The following PLS1 variants were observed in gnomAD, a reference collection of about 807,000 sequenced individuals.
PLS1 encodes plastin-1.
PLS1 carries 32 observed loss-of-function variants against 73.7 expected under a neutral mutation model. The observed-to-expected ratio is 0.43, with a 90% confidence interval of 0.33 to 0.58. PLS1 has a LOEUF of 0.58. Ranked by LOEUF, PLS1 falls within the 20% of genes least tolerant of loss-of-function variation. The probability of loss-of-function intolerance (pLI) is 0.04; values close to 1 mark genes in which losing one functional copy is unlikely to be tolerated. For missense variants in PLS1, 633 were observed against 740.5 expected (o/e 0.85, Z 1.68); for synonymous variants, 217 against 261.3 (o/e 0.83, Z 1.63).
At chr3:142,654,107 A>G (rs764810428) in intron 1 of PLS1, among the ~76,000 whole-genome samples, 2 of 152,156 alleles carry the variant, frequency 1.3e-5, no homozygotes, top group Non-Finnish European at 2.9e-5. Flanking sequence ...CCAAATTGCA[A>G]ATGCATGGGA....
rs73002059 is a variant in PLS1, at chr3:142,657,428, T to C, written c.-36-6774T>C. Reference sequence around the variant, plus strand: ...GGAACCACAGATTCTAGCCTGGTTTTGCCTTCTGTGCTGCCAGAGTCCCTC... The same window carrying C: ...GGAACCACAGATTCTAGCCTGGTTTCGCCTTCTGTGCTGCCAGAGTCCCTC... On this transcript the variant is annotated intron_variant, in intron 1 of 15. Transcript: ENST00000457734. 9.3e-3 allele frequency among the ~76,000 whole-genome samples: 1,410 copies of C among 152,372 alleles called. 25 individuals are homozygous for C. The highest frequency in any genetic ancestry group is 0.032 in the African/African-American group (1,341 of 41,586).
intron 7 of PLS1, 34 bp from the exon 8 acceptor site, chr3:142,684,219 G>A: frequency 6.2e-7 from 1 of 1,613,764 alleles, no homozygotes; most frequent in South Asian, 1.1e-5. Context: ...TACTTGCTAT[G>A]GGAAGAATTT....
chr3:142,653,828 T>C (rs1272751934), intron 1 of PLS1, among the ~76,000 whole-genome samples: 3 of 152,186 alleles, frequency 2.0e-5, no homozygotes, highest in African/African-American at 7.2e-5. Context: ...AATCATAAGA[T>C]TGTACTATTT....
chr3:142,701,932 A>T (rs1303670678), intron 12 of PLS1, among the ~76,000 whole-genome samples: 1 of 152,248 alleles, frequency 6.6e-6, no homozygotes, highest in East Asian at 1.9e-4. Context: ...ATAAATTAGG[A>T]ATCTATTCTA....
chr3:142,694,696 A>C (rs1156247961), intron 11 of PLS1, 149 bp downstream of exon 11: 8 of 543,650 alleles, frequency 1.5e-5, no homozygotes, highest in African/African-American at 7.8e-5. Flanking sequence ...TGGCAATACA[A>C]TGGATTTTAA....
intron 2 of PLS1, among the ~76,000 whole-genome samples, chr3:142,666,571 C>T (rs976775734): frequency 6.6e-6 from 1 of 152,142 alleles, no homozygotes; most frequent in African/African-American, 2.4e-5. Context: ...TGGGTTGCTT[C>T]CACCTTTTGG....
chr3:142,694,927 G>A (rs373141286), intron 11 of PLS1, among the ~76,000 whole-genome samples: 5 of 151,634 alleles, frequency 3.3e-5, no homozygotes, highest in African/African-American at 1.2e-4. Flanking sequence ...CATAATTTTT[G>A]TGTATATTTT....
In PLS1 at chr3:142,611,322, T is replaced by G. The variant is rs890799625; in HGVS notation, c.-37+14813T>G. Among the ~76,000 whole-genome samples, 7 of 152,186 alleles carry G rather than the reference T, an allele frequency of 4.6e-5. No homozygotes were observed. In the East Asian group the frequency reaches 1.3e-3, roughly 29 times the overall value. Reference sequence around the variant, plus strand: ...TCTCACAAATACATAGTGAACTGCCTTAATAATTACTTAAATTGGTCAAGC... The same window carrying G: ...TCTCACAAATACATAGTGAACTGCCGTAATAATTACTTAAATTGGTCAAGC... On this transcript the variant is annotated intron_variant, in intron 1 of 15. Transcript: ENST00000457734.
chr3:142,685,028 GC>G (rs1250098473), intron 8 of PLS1, among the ~76,000 whole-genome samples: 1 of 149,870 alleles, frequency 6.7e-6, no homozygotes, highest in Non-Finnish European at 1.5e-5. Flanking sequence ...CCCCCATCCT[GC>G]CCCCCAAGAG....
At chr3:142,622,236 G>A (rs868829151) in intron 1 of PLS1, among the ~76,000 whole-genome samples, 2 of 152,308 alleles carry the variant, frequency 1.3e-5, no homozygotes, top group Admixed American at 6.5e-5. Flanking sequence ...TTAAATGTGA[G>A]TGTGTATTTT....
chr3:142,689,883 A>G, intron 10 of PLS1, 70 bp downstream of exon 10: 1 of 983,728 alleles, frequency 1.0e-6, no homozygotes, highest in Non-Finnish European at 1.5e-6. Context: ...CTTCACTGTC[A>G]GAGATAGGGG....
At position 142,698,007 on chromosome 3, in the gene PLS1, A is replaced by T. The variant is rs2038246298; in HGVS notation, c.1311A>T (p.Pro437=). 1.2e-6 allele frequency: 2 copies of T among 1,613,738 alleles called. No individual in the cohort carries two copies. The highest frequency in any genetic ancestry group is 1.7e-6 in the Non-Finnish European group (2 of 1,179,658). Residue 437 remains proline (P), a synonymous_variant, in exon 12 of 16, where the codon CCA becomes CCT. Transcript: ENST00000457734. ...IFQLYEMIRV[P]VNWSHVNKPP... ...AGCTCTATGAGATGATCCGAGTGCC[A>T]GTCAACTGGAGCCATGTCAACAAAC...
intron 2 of PLS1, among the ~76,000 whole-genome samples, chr3:142,665,120 C>G (rs1041681698): frequency 6.6e-6 from 1 of 151,904 alleles, no homozygotes; most frequent in Non-Finnish European, 1.5e-5. Context: ...ATAGAGCCCT[C>G]CATGAAAAAC....
intron 1 of PLS1, among the ~76,000 whole-genome samples, chr3:142,621,713 C>T (rs1321181639): frequency 2.6e-5 from 4 of 152,122 alleles, no homozygotes; most frequent in African/African-American, 9.7e-5. Context: ...ACTTTTAATG[C>T]TGCATATTGC....
chr3:142,694,381 A>G (rs952647324), intron 10 of PLS1, 88 bp from the exon 11 acceptor site: 6 of 681,020 alleles, frequency 8.8e-6, no homozygotes, highest in Non-Finnish European at 1.5e-5. Flanking sequence ...GGTAGGTTTG[A>G]CCAGTTTGTA....
rs566886256 is a variant in PLS1 at position 142,699,384 on chromosome 3, G to A, written c.1371+1317G>A. Among the ~76,000 whole-genome samples, 573 of 152,172 alleles carry A rather than the reference G, an allele frequency of 3.8e-3. 4 individuals carry two copies. The highest frequency in any genetic ancestry group is 0.012 in the African/African-American group (499 of 41,510). The stretch of plus-strand genomic sequence containing the variant: ...TGAGGCAGGAGAATGGCTTGAACCC[G>A]GGAGGCAGAGTTTGCAGTGAGCCGA... On this transcript the variant is annotated intron_variant, in intron 12 of 15. Transcript: ENST00000457734.
At chr3:142,644,967 G>T (rs1415500499) in intron 1 of PLS1, among the ~76,000 whole-genome samples, 1 of 152,158 alleles carries the variant, frequency 6.6e-6, no homozygotes, top group African/African-American at 2.4e-5. Flanking sequence ...TCCCTAAGGG[G>T]CATTCATCTT....
chr3:142,686,463 C>A, intron 9 of PLS1, 87 bp downstream of exon 9: 1 of 782,134 alleles, frequency 1.3e-6, no homozygotes, highest in South Asian at 1.4e-5. Flanking sequence ...GTGTTCAGTT[C>A]AGTGGCATTC....
At chr3:142,659,463 G>A (rs1193686173) in intron 1 of PLS1, among the ~76,000 whole-genome samples, 3 of 152,102 alleles carry the variant, frequency 2.0e-5, no homozygotes, top group Non-Finnish European at 4.4e-5. Flanking sequence ...ATTCAGTAAT[G>A]TGTATCTTTA....
Sources: gnomAD v4.1 joint callset for allele counts (sites outside exome capture counted in the v4.1 genomes callset) on GRCh38, gnomAD v4.1.1 for gene constraint, MANE v1.5 for transcripts, NCBI Gene and HGNC (gene_info 2026-07-23, HGNC 2026-07-21) for gene names.